BCL10: variants seen among roughly 807,000 people sequenced by gnomAD.
BCL10 encodes the protein B-cell lymphoma/leukemia 10.
In BCL10, 5 loss-of-function variants were observed where a neutral mutation model predicts 19.2. The observed-to-expected ratio is 0.26, with a 90% CI of 0.14 to 0.55. The LOEUF (loss-of-function observed/expected upper bound fraction) is 0.55, where lower values mean the gene tolerates loss of function less well. Among genes scored for constraint, BCL10 ranks in the 20% least tolerant of loss-of-function variants. BCL10 has a pLI of 0.94. For synonymous variants in BCL10, 110 were observed against 98.8 expected (o/e 1.11, Z -0.67); for missense variants, 201 against 271.9 (o/e 0.74, Z 1.83).
Position 85,266,717 on chromosome 1 carries a change from T to C in BCL10, c.*910A>G. 1 of 180,316 alleles carries C rather than the reference T, an allele frequency of 5.5e-6. No homozygotes were observed. The highest frequency in any genetic ancestry group is 1.2e-5 in the Non-Finnish European group (1 of 84,436). 11.2% of individuals were successfully genotyped at this position (180,316 alleles called of 1,614,324 possible). Reference sequence around the variant, plus strand: ...CAAAACACCGTCTCTACAAAAATAATACAAAAATTAGTGAGGCATGGTGGC... The same window carrying C: ...CAAAACACCGTCTCTACAAAAATAACACAAAAATTAGTGAGGCATGGTGGC... On this transcript the variant is annotated 3_prime_UTR_variant, in exon 3 of 3. Coordinates refer to ENST00000648566, the MANE Select transcript of BCL10 (RefSeq NM_003921.5).
At chr1:85,276,117 A>T (rs1397232601) in intron 1 of BCL10, among the ~76,000 whole-genome samples, 179 bp downstream of exon 1, 1 of 152,240 alleles carries the variant, frequency 6.6e-6, no homozygotes, top group Non-Finnish European at 1.5e-5. Flanking sequence ...AGATCACTGG[A>T]GGATCACTGC....
At chr1:85,270,933 GTTAT>G (rs767642796) in intron 1 of BCL10, 27 bp from the exon 2 acceptor site, 7 of 1,580,834 alleles carry the variant, frequency 4.4e-6, no homozygotes, top group Non-Finnish European at 5.1e-6. Context: ...ATGGTTCAAT[GTTAT>G]TTTTAACATC....
Position 85,270,909 on chromosome 1 carries a change from A to G in BCL10, c.58-3T>C. 3 of 1,597,100 alleles carry G rather than the reference A, an allele frequency of 1.9e-6. No homozygotes were observed. The highest frequency in any genetic ancestry group is 2.7e-5 in the African/African-American group (2 of 73,798). ...TATACACGTAAATTTTCTAAGGCCT[A>G]AAAGACATAAAATATGGTTCAATGT... On this transcript the variant is annotated splice_region_variant and splice_polypyrimidine_tract_variant and intron_variant, in intron 1 of 2. Transcript: ENST00000648566.
rs10690491 is a variant in BCL10, at chr1:85,266,898, A to AG, written c.*728dup. On this transcript the variant is annotated 3_prime_UTR_variant, in exon 3 of 3. Coordinates refer to ENST00000648566, the MANE Select transcript of BCL10 (RefSeq NM_003921.5). ...TCTCAAAAAAAAAAAAAAAAAAAAA[A>AG]GAAAAAAGGAAAAAATACCTCATCA... 1 of 168,274 alleles carries AG rather than the reference A, an allele frequency of 5.9e-6. No homozygotes were observed. The highest frequency in any genetic ancestry group is 1.3e-5 in the Non-Finnish European group (1 of 79,560). The allele number at this position is 168,274 out of a possible 1,614,324, so 10.4% of individuals were successfully genotyped here. A position where few individuals can be genotyped will look rare whatever the true frequency, so the allele number is the denominator to read the frequency against.
Position 85,267,651 on chromosome 1 carries a change from T to C in BCL10, c.678A>G (p.Arg226=). ...GTCATTGTCGTGAAACAGTACGTGA[T>C]CTTAAGGGAAGAAACATCTCACTAG... ...ANSSEMFLPL[R]SRTVSRQ Residue 226 remains arginine, a synonymous_variant, in exon 3 of 3, where the codon AGA becomes AGG. Transcript: ENST00000648566. 1 of 1,606,670 alleles carries C rather than the reference T, an allele frequency of 6.2e-7. No homozygotes were observed. The highest frequency in any genetic ancestry group is 2.2e-5 in the East Asian group (1 of 44,850).
chr1:85,274,265 TA>T (rs1164651300), intron 1 of BCL10, among the ~76,000 whole-genome samples: 1 of 152,236 alleles, frequency 6.6e-6, no homozygotes, highest in Admixed American at 6.5e-5. Context: ...GCCAACACTG[TA>T]TATCCTGCAC....
chr1:85,267,656 A>G lies in BCL10; in HGVS notation c.673T>C (p.Leu225=). The G allele has an allele frequency of 6.2e-7, 1 of 1,607,526 alleles. No homozygotes were observed. Among genetic ancestry groups the G allele is most frequent in the South Asian group, 1.1e-5 (1 of 89,566 alleles). ...CANSSEMFLP[L]RSRTVSRQ Reference sequence around the variant, plus strand: ...TGTCGTGAAACAGTACGTGATCTTAAGGGAAGAAACATCTCACTAGAGTTT... The same window carrying G: ...TGTCGTGAAACAGTACGTGATCTTAGGGGAAGAAACATCTCACTAGAGTTT... Residue 225 remains leucine (L), a synonymous_variant, in exon 3 of 3, where the codon TTA becomes CTA. Transcript: ENST00000648566.
chr1:85,268,639 G>T (rs1200925230), intron 2 of BCL10, among the ~76,000 whole-genome samples: 1 of 152,030 alleles, frequency 6.6e-6, no homozygotes, highest in Non-Finnish European at 1.5e-5. Context: ...GTGGTGGCAG[G>T]TGCCTGCAAT....
intron 1 of BCL10, among the ~76,000 whole-genome samples, chr1:85,271,704 G>C (rs2100749062): frequency 6.6e-6 from 1 of 152,086 alleles, no homozygotes; most frequent in East Asian, 1.9e-4. Flanking sequence ...CTCTGTGCTT[G>C]TTTCCTCAGC....
intron 1 of BCL10, among the ~76,000 whole-genome samples, chr1:85,274,751 C>T (rs558605521): frequency 2.0e-5 from 3 of 152,140 alleles, no homozygotes; most frequent in Non-Finnish European, 4.4e-5. Flanking sequence ...AATTTTAAAA[C>T]TCTCTAAGAT....
chr1:85,273,548 C>T (rs1660424582), intron 1 of BCL10, among the ~76,000 whole-genome samples: 1 of 152,208 alleles, frequency 6.6e-6, no homozygotes, highest in Admixed American at 6.5e-5. Context: ...ACTTACATTT[C>T]TAGCTCAGAT....
At chr1:85,273,242 G>A (rs779077054) in intron 1 of BCL10, among the ~76,000 whole-genome samples, 5 of 152,032 alleles carry the variant, frequency 3.3e-5, no homozygotes, top group South Asian at 4.2e-4. Context: ...TATTCTTCTC[G>A]AAGTCACCAA....
chr1:85,269,344 A>C (rs1432657724), intron 2 of BCL10, among the ~76,000 whole-genome samples: 1 of 152,262 alleles, frequency 6.6e-6, no homozygotes, highest in Non-Finnish European at 1.5e-5. Context: ...CATTATCCAG[A>C]GGATTGAAAG....
At chr1:85,271,514 A>G (rs1159068297) in intron 1 of BCL10, among the ~76,000 whole-genome samples, 5 of 152,206 alleles carry the variant, frequency 3.3e-5, no homozygotes, top group African/African-American at 1.2e-4. Context: ...TCGAAAAATG[A>G]AAGAAATAAA....
At chr1:85,273,627 C>T (rs1660426338) in intron 1 of BCL10, among the ~76,000 whole-genome samples, 1 of 152,152 alleles carries the variant, frequency 6.6e-6, no homozygotes, top group African/African-American at 2.4e-5. Context: ...AATCTAATTA[C>T]ATCCTCTTCC....
intron 1 of BCL10, among the ~76,000 whole-genome samples, chr1:85,272,754 T>C (rs1337578161): frequency 6.6e-6 from 1 of 152,134 alleles, no homozygotes; most frequent in Non-Finnish European, 1.5e-5. Flanking sequence ...GCTCCAGGTA[T>C]GTTATTGATA....
At chr1:85,270,288 T>C (rs1311138700) in intron 2 of BCL10, among the ~76,000 whole-genome samples, 1 of 152,254 alleles carries the variant, frequency 6.6e-6, no homozygotes, top group Non-Finnish European at 1.5e-5. Context: ...GTTTTGCTTT[T>C]CTGAGACAGG....
intron 1 of BCL10, among the ~76,000 whole-genome samples, chr1:85,274,245 G>A (rs1429583131): frequency 1.3e-5 from 2 of 152,140 alleles, no homozygotes; most frequent in African/African-American, 4.8e-5. Context: ...CAGCTACGAG[G>A]TATGTTTTAG....
chr1:85,276,194 C>T lies in BCL10; in HGVS notation c.57+102G>A, dbSNP rs572574922. 41 of 1,450,320 alleles carry T rather than the reference C, an allele frequency of 2.8e-5. No homozygotes were observed. The South Asian group carries it at 4.1e-4, about 15-fold the overall frequency. 89.8% of individuals were successfully genotyped at this position (1,450,320 alleles called of 1,614,324 possible). A position where few individuals can be genotyped will look rare whatever the true frequency, so the allele number is the denominator to read the frequency against. On this transcript the variant is annotated intron_variant, in intron 1 of 2. Coordinates refer to ENST00000648566, the MANE Select transcript of BCL10 (RefSeq NM_003921.5). ...GTGCTAGGACTTTCCGCTCCTCCGA[C>T]CTGGAGGATCCTCCTTGTCCTCGGA...
Sources: gnomAD v4.1 joint callset for allele counts (sites outside exome capture counted in the v4.1 genomes callset) on GRCh38, gnomAD v4.1.1 for gene constraint, MANE v1.5 for transcripts, NCBI Gene and HGNC (gene_info 2026-07-23, HGNC 2026-07-21) for gene names.